WNK3: variants seen among roughly 807,000 people sequenced by gnomAD.
WNK3 encodes serine/threonine-protein kinase WNK3.
Under a neutral mutation model 116.7 loss-of-function variants are expected in WNK3, and 18 were observed. The ratio of observed to expected loss-of-function variants is 0.15; its 90% CI spans 0.11 to 0.23. The LOEUF (loss-of-function observed/expected upper bound fraction) is 0.23. Among genes scored for constraint, WNK3 ranks in the 10% least tolerant of loss-of-function variants. The pLI is 1.00. For missense variants in WNK3, 993 were observed against 1,323.8 expected (o/e 0.75, Z 3.88); for synonymous variants, 404 against 469.4 (o/e 0.86, Z 1.80).
In WNK3 at chrX:54,301,696, T is replaced by A. The variant is rs2068760174; in HGVS notation, c.1178+75A>T. 14 of 913,356 alleles carry A rather than the reference T, an allele frequency of 1.5e-5. No homozygotes were observed. The South Asian group carries it at 3.1e-4, about 20-fold the overall frequency. The allele number at this position is 913,356 out of a possible 1,213,427, so 75.3% of individuals were successfully genotyped here. A position where few individuals can be genotyped will look rare whatever the true frequency, so the allele number is the denominator to read the frequency against. On this transcript the variant is annotated intron_variant, in intron 6 of 23. Coordinates refer to ENST00000354646, the Ensembl canonical transcript of WNK3. ...AGTCAAACTCAGCATGACTGAAAGG[T>A]CAGAAAACGACCCAATGCAAGATAA...
intron 22 of WNK3, among the ~76,000 whole-genome samples, chrX:54,202,552 A>C (rs920050614): frequency 1.8e-5 from 2 of 109,970 alleles, no homozygotes; most frequent in African/African-American, 6.6e-5. Flanking sequence ...TTAGCCAGGC[A>C]TGGTGGTGGA....
intron 1 of WNK3, among the ~76,000 whole-genome samples, chrX:54,343,359 T>C (rs2147300903): frequency 9.1e-6 from 1 of 109,674 alleles, no homozygotes; most frequent in Admixed American, 9.9e-5. Context: ...ATACAAAAAT[T>C]AGCCGAGCAT....
At chrX:54,267,524 A>C (rs2068327392) in intron 10 of WNK3, among the ~76,000 whole-genome samples, 1 of 110,635 alleles carries the variant, frequency 9.0e-6, no homozygotes, top group South Asian at 4.0e-4. Context: ...GGTGGCTCAC[A>C]CCTATAATCC....
intron 8 of WNK3, among the ~76,000 whole-genome samples, chrX:54,293,635 G>T (rs1377044517): frequency 8.9e-6 from 1 of 111,782 alleles, no homozygotes; most frequent in Admixed American, 9.6e-5. Context: ...ATCTACACTT[G>T]ACATAAGGAT....
chrX:54,273,214 T>C (rs896044364), intron 10 of WNK3, among the ~76,000 whole-genome samples: 1 of 112,567 alleles, frequency 8.9e-6, no homozygotes, highest in African/African-American at 3.2e-5. Flanking sequence ...ATTCTGTGAC[T>C]GAATCAATAT....
intron 1 of WNK3, among the ~76,000 whole-genome samples, chrX:54,335,483 A>T (rs2069222618): frequency 9.0e-6 from 1 of 111,538 alleles, no homozygotes; most frequent in African/African-American, 3.3e-5. Flanking sequence ...CCAATAAGAA[A>T]ATGCTTCCCT....
intron 2 of WNK3, 127 bp from the exon 3 acceptor site, chrX:54,311,418 A>G (rs2068885567): frequency 1.9e-6 from 1 of 514,597 alleles, no homozygotes; most frequent in African/African-American, 2.4e-5. Flanking sequence ...TTTGCCTGTC[A>G]ATGCTTTTCT....
intron 6 of WNK3, 58 bp downstream of exon 6, chrX:54,301,713 G>T: frequency 9.4e-7 from 1 of 1,067,372 alleles, no homozygotes; most frequent in Non-Finnish European, 1.3e-6. Flanking sequence ...ACGACCCAAT[G>T]CAAGATAAGA....
intron 13 of WNK3, 50 bp downstream of exon 13, chrX:54,253,909 A>G (rs1603382697): frequency 1.2e-6 from 1 of 858,960 alleles, no homozygotes; most frequent in East Asian, 3.2e-5. Flanking sequence ...ATTATAGGGG[A>G]AAAAAGACAG....
intron 22 of WNK3, among the ~76,000 whole-genome samples, chrX:54,205,263 CCAACCAAA>C (rs1172038362): frequency 0.019 from 1,786 of 95,799 alleles, 42 homozygotes; most frequent in African/African-American, 0.075. Flanking sequence ...AACCAACCAA[CCAACCAAA>C]CAAACAAACA....
chrX:54,356,690 T>C (rs1416422708), intron 1 of WNK3, among the ~76,000 whole-genome samples: 2 of 111,415 alleles, frequency 1.8e-5, no homozygotes, highest in Non-Finnish European at 3.8e-5. Flanking sequence ...AAAAATTGGA[T>C]ACAATCACTA....
At chrX:54,296,306 T>C (rs782070335) in intron 7 of WNK3, among the ~76,000 whole-genome samples, 9 of 111,058 alleles carry the variant, frequency 8.1e-5, no homozygotes, top group African/African-American at 2.3e-4. Context: ...ACTCCCATCA[T>C]TGTGTTTGCT....
chrX:54,269,527 A>C (rs1434891449), intron 10 of WNK3, among the ~76,000 whole-genome samples: 1 of 111,685 alleles, frequency 9.0e-6, no homozygotes, highest in African/African-American at 3.3e-5. Context: ...GGTATGGCTA[A>C]AACTACCCTT....
At chrX:54,279,436 T>A (rs1557161832) in intron 10 of WNK3, among the ~76,000 whole-genome samples, 1 of 111,012 alleles carries the variant, frequency 9.0e-6, no homozygotes, top group East Asian at 2.8e-4. Flanking sequence ...TGGTGGTGCA[T>A]GCCTATGGTC....
At chrX:54,238,723 A>G in intron 18 of WNK3, 145 bp downstream of exon 18, 1 of 548,786 alleles carries the variant, frequency 1.8e-6, no homozygotes, top group South Asian at 3.9e-5. Context: ...AAAGGAAAAA[A>G]TAAAATGGCA....
intron 2 of WNK3, among the ~76,000 whole-genome samples, chrX:54,326,076 TTTTG>T (rs1557173322): frequency 9.1e-6 from 1 of 110,456 alleles, no homozygotes; most frequent in East Asian, 2.8e-4. Flanking sequence ...TTCCATTAAT[TTTTG>T]TTTGTTTGTT....
At chrX:54,197,051 A>C (rs1484160401) in exon 24 of WNK3, 1 of 112,214 alleles carries the variant, frequency 8.9e-6, no homozygotes, top group Non-Finnish European at 1.9e-5. Context: ...ATCTCTGAGA[A>C]CCCTGTAAAG....
At chrX:54,303,141 T>A (rs1028633059) in intron 5 of WNK3, among the ~76,000 whole-genome samples, 22 of 107,377 alleles carry the variant, frequency 2.0e-4, no homozygotes, top group African/African-American at 7.4e-4. Context: ...TAGATACATA[T>A]GTGTATGTAT....
At chrX:54,352,273 G>A (rs1285292242) in intron 1 of WNK3, among the ~76,000 whole-genome samples, 3 of 111,509 alleles carry the variant, frequency 2.7e-5, no homozygotes, top group Non-Finnish European at 5.7e-5. Context: ...AAAACAGAAA[G>A]CAACAAGTGT....
Sources: gnomAD v4.1 joint callset for allele counts (sites outside exome capture counted in the v4.1 genomes callset) on GRCh38, gnomAD v4.1.1 for gene constraint, MANE v1.5 for transcripts, NCBI Gene and HGNC (gene_info 2026-07-23, HGNC 2026-07-21) for gene names.